Variants in DOCK2 observed in about 807,000 individuals in gnomAD.
The protein encoded by DOCK2 is dedicator of cytokinesis 2, also known as dedicator of cytokinesis protein 2.
DOCK2 carries 87 observed loss-of-function variants against 248.9 expected under a neutral mutation model. The ratio of observed to expected loss-of-function variants is 0.35; its 90% confidence interval spans 0.29 to 0.42. The LOEUF is 0.42. Ranked by LOEUF, DOCK2 falls within the 10% of genes least tolerant of loss-of-function variation. The pLI is 1.00. For synonymous variants in DOCK2, 805 were observed against 821.6 expected, an observed-to-expected ratio of 0.98 and a Z score of 0.35; for missense variants, 1,747 against 2,300.2, an observed-to-expected ratio of 0.76 and a Z score of 4.92.
intron 27 of DOCK2, among the ~76,000 whole-genome samples, chr5:169,953,770 G>A (rs1307996768): frequency 2.6e-5 from 4 of 152,086 alleles, no homozygotes; most frequent in Non-Finnish European, 4.4e-5. Flanking sequence ...TTTTCTCCTC[G>A]GGAGACACCT....
chr5:169,637,475 G>A, intron 1 of DOCK2, 106 bp downstream of exon 1: 2 of 1,229,364 alleles, frequency 1.6e-6, no homozygotes, highest in Non-Finnish European at 2.1e-6. Flanking sequence ...AGGGCGCGCT[G>A]CCTGCAGGTC....
chr5:170,021,614 C>T (rs1400874911), intron 33 of DOCK2, among the ~76,000 whole-genome samples: 1 of 152,150 alleles, frequency 6.6e-6, no homozygotes, highest in Non-Finnish European at 1.5e-5. Flanking sequence ...TCCTTGGGCT[C>T]CTCACTCCAG....
At chr5:169,860,707 G>T (rs951709064) in intron 27 of DOCK2, among the ~76,000 whole-genome samples, 2 of 152,158 alleles carry the variant, frequency 1.3e-5, no homozygotes, top group African/African-American at 4.8e-5. Context: ...TGAATCACAT[G>T]ACAGGAAAGT....
chr5:169,658,063 A>G lies in DOCK2; in HGVS notation c.127+3577A>G, dbSNP rs184663002. Among the ~76,000 whole-genome samples, 1,018 of 152,348 alleles carry G rather than the reference A, an allele frequency of 6.7e-3. 10 individuals carry two copies. The highest frequency in any genetic ancestry group is 0.024 in the South Asian group (116 of 4,822). ...GGAATTAAAAAAAATAACCACGTCT[A>G]TCTTTGAATGCTTTTCATAACAATT... On this transcript the variant is annotated intron_variant, in intron 2 of 51. Transcript: ENST00000520908.
At position 169,883,109 on chromosome 5, in the gene DOCK2, C is replaced by T. The variant is rs375956500; in HGVS notation, c.2799+42257C>T. 1.3e-4 allele frequency: 204 copies of T among 1,551,412 alleles called. No homozygotes were observed. Among genetic ancestry groups the T allele is most frequent in the South Asian group, 7.9e-4 (66 of 84,042 alleles). ...TCTGTGCCTGGTGTGTGGCTGGCAA[C>T]GCTGGTGGCATTTAAGCAGGAGGTG... On this transcript the variant is annotated intron_variant, in intron 27 of 51. Coordinates refer to ENST00000520908, the MANE Select transcript of DOCK2 (RefSeq NM_004946.3).
intron 27 of DOCK2, among the ~76,000 whole-genome samples, chr5:169,954,898 G>A (rs892461215): frequency 3.3e-5 from 5 of 152,196 alleles, no homozygotes; most frequent in Non-Finnish European, 5.9e-5. Flanking sequence ...CCAGGGGAGC[G>A]TGGGTGAAAT....
intron 9 of DOCK2, chr5:169,695,488 G>C (rs1760562807): frequency 4.5e-6 from 1 of 221,718 alleles, no homozygotes; most frequent in Non-Finnish European, 8.9e-6. Flanking sequence ...TATCACCTCG[G>C]CATATGGGGA....
intron 44 of DOCK2, among the ~76,000 whole-genome samples, chr5:170,062,113 G>GTGTGTGTGTGTGTT (rs1333942825): frequency 4.6e-5 from 7 of 150,666 alleles, no homozygotes; most frequent in Non-Finnish European, 7.4e-5. Context: ...GTGTGTGTGT[G>GTGTGTGTGTGTGTT]TGTGTGTGTG....
intron 26 of DOCK2, among the ~76,000 whole-genome samples, chr5:169,837,671 A>C (rs552080327): frequency 6.6e-6 from 1 of 152,286 alleles, no homozygotes; most frequent in African/African-American, 2.4e-5. Flanking sequence ...TATTTGCCAC[A>C]TTTTATAAAC....
intron 22 of DOCK2, among the ~76,000 whole-genome samples, chr5:169,737,148 TA>T (rs1763079936): frequency 6.6e-6 from 1 of 152,168 alleles, no homozygotes; most frequent in Non-Finnish European, 1.5e-5. Context: ...AAGTACCATC[TA>T]AGCTGTGACC....
intron 24 of DOCK2, 68 bp from the exon 25 acceptor site, chr5:169,761,451 G>T (rs575523955): frequency 6.0e-6 from 8 of 1,330,416 alleles, no homozygotes; most frequent in South Asian, 4.8e-5. Flanking sequence ...GGGATGGACT[G>T]TAAGTGCTAT....
At chr5:169,761,445 T>G in intron 24 of DOCK2, 74 bp from the exon 25 acceptor site, 1 of 1,258,344 alleles carries the variant, frequency 7.9e-7, no homozygotes, top group Non-Finnish European at 1.2e-6. Context: ...GGTCCAGGGA[T>G]GGACTGTAAG....
chr5:169,639,167 T>A (rs1003272947), intron 1 of DOCK2, among the ~76,000 whole-genome samples: 5 of 152,112 alleles, frequency 3.3e-5, no homozygotes, highest in Non-Finnish European at 7.4e-5. Context: ...GAGTGGGGAA[T>A]TGGACTTAGA....
rs370001320 is a variant in DOCK2, at chr5:169,712,243, G to C, written c.1659+20G>C. On this transcript the variant is annotated intron_variant, in intron 17 of 51. Coordinates refer to ENST00000520908, the MANE Select transcript of DOCK2 (RefSeq NM_004946.3). ...CTCAAGGTACCATGAGTTGGAAGGAGCTCTGCACTGAGGGGAGTGCAGGAA... is the reference window on the plus strand; with the variant it reads ...CTCAAGGTACCATGAGTTGGAAGGACCTCTGCACTGAGGGGAGTGCAGGAA... 6.6e-5 allele frequency: 106 copies of C among 1,610,798 alleles called. No individual in the cohort carries two copies. The African/African-American group carries it at 1.3e-3, about 19-fold the overall frequency.
At chr5:169,736,166 A>G (rs1561649217) in intron 22 of DOCK2, among the ~76,000 whole-genome samples, 2 of 152,204 alleles carry the variant, frequency 1.3e-5, no homozygotes, top group Admixed American at 6.5e-5. Context: ...GGGGATGTGG[A>G]ACCAAACCAT....
chr5:169,693,724 C>T (rs898591117), intron 9 of DOCK2, among the ~76,000 whole-genome samples: 14 of 152,108 alleles, frequency 9.2e-5, no homozygotes, highest in African/African-American at 3.4e-4. Context: ...ATGAACAGCC[C>T]TTGTACCAGT....
chr5:169,702,119 C>G, intron 13 of DOCK2, 184 bp from the exon 14 acceptor site: 1 of 528,382 alleles, frequency 1.9e-6, no homozygotes, highest in African/African-American at 1.9e-5. Context: ...TCCCTTCATC[C>G]CCGTGTTACC....
intron 9 of DOCK2, among the ~76,000 whole-genome samples, chr5:169,694,616 A>G (rs899858537): frequency 4.6e-5 from 7 of 152,284 alleles, no homozygotes; most frequent in Middle Eastern, 6.8e-3. Flanking sequence ...GATGTGAGAG[A>G]TTGAATATGG....
intron 26 of DOCK2, among the ~76,000 whole-genome samples, chr5:169,820,560 T>G (rs1242317567): frequency 7.1e-6 from 1 of 140,760 alleles, no homozygotes; most frequent in Non-Finnish European, 1.5e-5. Context: ...CTGAGGGTCC[T>G]GACTGTTAAA....
Sources: allele counts gnomAD v4.1 joint callset (sites outside exome capture counted in the v4.1 genomes callset), GRCh38; gene constraint gnomAD v4.1.1; transcripts MANE v1.5; gene names NCBI Gene and HGNC (gene_info 2026-07-23, HGNC 2026-07-21).